Variants in STK3 observed in about 807,000 individuals in gnomAD.
The protein encoded by STK3 is serine/threonine kinase 3.
STK3 carries 41 observed loss-of-function variants against 58.0 expected under a neutral mutation model. That is an observed-to-expected ratio of 0.71 (90% CI 0.55 to 0.92). STK3 has a LOEUF of 0.92. Ranked by LOEUF, STK3 falls within the 40% of genes least tolerant of loss-of-function variation. STK3 has a pLI of 0.00. For missense variants in STK3, 479 were observed against 602.7 expected (o/e 0.79, Z 2.15); for synonymous variants, 170 against 191.0 (o/e 0.89, Z 0.91).
chr8:98,348,536 A>T, the STK3 span, among the ~76,000 whole-genome samples: 1 of 152,262 alleles, frequency 6.6e-6, no homozygotes, highest in African/African-American at 2.4e-5. Context: ...AAGGGCAGTT[A>T]TCCAAAATAC....
intron 6 of STK3, among the ~76,000 whole-genome samples, chr8:98,622,117 A>C (rs1587059498): frequency 6.6e-6 from 1 of 151,330 alleles, no homozygotes; most frequent in East Asian, 1.9e-4. Flanking sequence ...AAAAAAAAAA[A>C]AAAAAAAATT....
intron 6 of STK3, among the ~76,000 whole-genome samples, chr8:98,647,263 C>T (rs986977137): frequency 3.3e-5 from 5 of 152,186 alleles, no homozygotes; most frequent in Non-Finnish European, 7.3e-5. Flanking sequence ...AGGCTCTGAA[C>T]ACCATATTTA....
chr8:98,350,262 C>A, the STK3 span, among the ~76,000 whole-genome samples: 1 of 152,302 alleles, frequency 6.6e-6, no homozygotes, highest in Non-Finnish European at 1.5e-5. Context: ...TAAAACATAA[C>A]AAGAGTCACC....
chr8:98,477,608 C>T (rs1275301277), intron 10 of STK3, among the ~76,000 whole-genome samples: 1 of 149,988 alleles, frequency 6.7e-6, no homozygotes, highest in South Asian at 2.1e-4. Context: ...GAAAGGGCCA[C>T]CCCTGCAGCT....
chr8:98,876,757 T>A (rs887068606), intron 3 of STK3, among the ~76,000 whole-genome samples: 1 of 152,230 alleles, frequency 6.6e-6, no homozygotes, highest in African/African-American at 2.4e-5. Context: ...TGTGCGAAAG[T>A]GAGAAAGCCT....
At chr8:98,523,389 T>C (rs1383791201) in intron 10 of STK3, among the ~76,000 whole-genome samples, 2 of 151,368 alleles carry the variant, frequency 1.3e-5, no homozygotes, top group East Asian at 3.9e-4. Context: ...TTTTTTTTTT[T>C]TTTGAGACAG....
At chr8:98,739,643 GA>G (rs1167727603) in intron 4 of STK3, among the ~76,000 whole-genome samples, 3 of 148,162 alleles carry the variant, frequency 2.0e-5, no homozygotes, top group Non-Finnish European at 4.5e-5. Context: ...CAAAGATGGG[GA>G]AAAAACAGAG....
chr8:98,558,082 T>G (rs1352602747), intron 8 of STK3, among the ~76,000 whole-genome samples: 1 of 152,070 alleles, frequency 6.6e-6, no homozygotes, highest in African/African-American at 2.4e-5. Flanking sequence ...ACCGTGACAT[T>G]TCTTTTTTCT....
intron 6 of STK3, among the ~76,000 whole-genome samples, chr8:98,661,018 C>T (rs1475942585): frequency 6.6e-6 from 1 of 151,970 alleles, no homozygotes; most frequent in Non-Finnish European, 1.5e-5. Flanking sequence ...TAAATCCACA[C>T]AATGAAATCA....
intron 1 of STK3, among the ~76,000 whole-genome samples, chr8:98,791,502 C>G (rs1186864426): frequency 2.0e-5 from 3 of 152,054 alleles, no homozygotes; most frequent in Non-Finnish European, 2.9e-5. Context: ...AAAAAGAGCC[C>G]ACATAGCCAA....
rs1357534004 is a variant in STK3, at chr8:98,699,510, T to C, written c.684+6957A>G. ...TTGTGGTTTTATCTACTTTTGGTCT[T>C]TGATGATGGTGATGTACAGATGGGT... On this transcript the variant is annotated intron_variant, in intron 6 of 10. Coordinates refer to ENST00000419617, the MANE Select transcript of STK3 (RefSeq NM_006281.4). 2.6e-5 allele frequency among the ~76,000 whole-genome samples: 4 copies of C among 151,812 alleles called. No individual in the cohort carries two copies. In the East Asian group the frequency reaches 7.7e-4, roughly 29 times the overall value.
chr8:98,809,045 C>G (rs1834055657), intron 1 of STK3, among the ~76,000 whole-genome samples: 1 of 152,220 alleles, frequency 6.6e-6, no homozygotes, highest in East Asian at 1.9e-4. Flanking sequence ...TCTTCTGGAT[C>G]GATGAACACA....
intron 6 of STK3, among the ~76,000 whole-genome samples, chr8:98,632,695 T>C (rs564728301): frequency 6.6e-6 from 1 of 152,330 alleles, no homozygotes; most frequent in South Asian, 2.1e-4. Flanking sequence ...ATATGCATTA[T>C]GAGTATAAAA....
chr8:98,373,142 C>T (rs1817628314), intron 2 of STK3, among the ~76,000 whole-genome samples: 1 of 152,156 alleles, frequency 6.6e-6, no homozygotes, highest in Non-Finnish European at 1.5e-5. Flanking sequence ...CCCCTCCCAC[C>T]AGAGTTGGTG....
At chr8:98,698,432 T>C (rs1825197219) in intron 6 of STK3, among the ~76,000 whole-genome samples, 1 of 152,204 alleles carries the variant, frequency 6.6e-6, no homozygotes, top group Non-Finnish European at 1.5e-5. Context: ...ATTTTGCTCG[T>C]TAGTTGATAC....
intron 1 of STK3, among the ~76,000 whole-genome samples, chr8:98,903,550 CTTCTTCCTTT>C (rs1432114371): frequency 0.031 from 566 of 18,410 alleles, 27 homozygotes; most frequent in South Asian, 0.072. Flanking sequence ...TCTTCTTCTT[CTTCTTCCTTT>C]TTTTTTTTTT....
chr8:98,572,936 A>G (rs1039133749), intron 8 of STK3, among the ~76,000 whole-genome samples: 3 of 152,212 alleles, frequency 2.0e-5, no homozygotes, highest in African/African-American at 7.2e-5. Flanking sequence ...TTCAGGAAAA[A>G]AAAATCATAA....
intron 3 of STK3, among the ~76,000 whole-genome samples, chr8:98,855,884 T>C (rs542098279): frequency 1.1e-4 from 17 of 151,994 alleles, no homozygotes; most frequent in African/African-American, 3.6e-4. Flanking sequence ...AGGCCGGGCA[T>C]GGTGGTTCAC....
chr8:98,850,574 T>A (rs1356468170), intron 3 of STK3, among the ~76,000 whole-genome samples: 3 of 152,120 alleles, frequency 2.0e-5, no homozygotes, highest in Admixed American at 2.0e-4. Flanking sequence ...GAATGAGTAT[T>A]GATTACACAG....
Sources: gnomAD v4.1 joint callset for allele counts (sites outside exome capture counted in the v4.1 genomes callset) on GRCh38, gnomAD v4.1.1 for gene constraint, MANE v1.5 for transcripts, NCBI Gene and HGNC (gene_info 2026-07-23, HGNC 2026-07-21) for gene names.